Variants in UGT1A10 observed in about 807,000 individuals in gnomAD.
UGT1A10 encodes UDP-glucuronosyltransferase 1A10.
A neutral mutation model predicts 45.8 loss-of-function variants in UGT1A10; 49 were observed. The ratio of observed to expected loss-of-function variants is 1.07; its 90% CI spans 0.85 to 1.36. UGT1A10 has a LOEUF of 1.36. Among genes scored for constraint, UGT1A10 ranks in the 40% most tolerant of loss-of-function variants. The pLI, the probability that UGT1A10 is intolerant of heterozygous loss-of-function variation, is 0.00. For missense variants in UGT1A10, 745 were observed against 668.6 expected, an observed-to-expected ratio of 1.11 and a Z score of -1.26; for synonymous variants, 284 against 249.7, an observed-to-expected ratio of 1.14 and a Z score of -1.29.
At chr2:233,681,842 C>A in intron 1 of UGT1A10, 2 of 1,515,948 alleles carry the variant, frequency 1.3e-6, no homozygotes, top group Non-Finnish European at 1.8e-6. Context: ...TAAGTACACG[C>A]CTTCTTTTGA....
intron 1 of UGT1A10, among the ~76,000 whole-genome samples, chr2:233,669,038 C>T (rs565395015): frequency 6.6e-6 from 1 of 152,306 alleles, no homozygotes; most frequent in South Asian, 2.1e-4. Flanking sequence ...AGGAGGAAGA[C>T]CACAAGGTAA....
chr2:233,667,879 A>G (rs1034585048), intron 1 of UGT1A10, among the ~76,000 whole-genome samples: 2 of 152,198 alleles, frequency 1.3e-5, no homozygotes, highest in African/African-American at 4.8e-5. Context: ...AAGTCAGGAA[A>G]CAACAGGTGC....
At chr2:233,670,992 G>A (rs936758450) in intron 1 of UGT1A10, among the ~76,000 whole-genome samples, 2 of 152,162 alleles carry the variant, frequency 1.3e-5, no homozygotes, top group Admixed American at 6.5e-5. Context: ...ATGGATGGGG[G>A]CAGTCCTATT....
At chr2:233,699,519 C>T (rs868288964) in intron 1 of UGT1A10, among the ~76,000 whole-genome samples, 4 of 152,156 alleles carry the variant, frequency 2.6e-5, no homozygotes, top group East Asian at 1.9e-4. Flanking sequence ...TCAAGCCTTC[C>T]GAAGGACAGG....
At chr2:233,700,822 T>C (rs536912731) in intron 1 of UGT1A10, among the ~76,000 whole-genome samples, 7 of 152,144 alleles carry the variant, frequency 4.6e-5, no homozygotes, top group South Asian at 2.1e-4. Flanking sequence ...GCTGCACCCA[T>C]TAACTCGTCA....
chr2:233,718,715 T>C, intron 1 of UGT1A10: 1 of 1,608,238 alleles, frequency 6.2e-7, no homozygotes, highest in Non-Finnish European at 8.5e-7. Context: ...TCCAATTACA[T>C]GCTGATTTGC....
chr2:233,723,259 G>T (rs1486772890), intron 1 of UGT1A10, among the ~76,000 whole-genome samples: 1 of 114,276 alleles, frequency 8.8e-6, no homozygotes, highest in African/African-American at 4.3e-5. Flanking sequence ...ACCCAGGCTG[G>T]AGTGCAATGG....
intron 1 of UGT1A10, among the ~76,000 whole-genome samples, chr2:233,708,070 G>T (rs1007307586): frequency 1.3e-5 from 2 of 152,102 alleles, no homozygotes; most frequent in Non-Finnish European, 2.9e-5. Flanking sequence ...TCTGCATCTT[G>T]CTTTTTACTT....
At chr2:233,743,706 C>A in intron 1 of UGT1A10, 1 of 1,367,368 alleles carries the variant, frequency 7.3e-7, no homozygotes, top group Non-Finnish European at 9.8e-7. Context: ...TCCGCCCCCG[C>A]CTCGCCATAG....
intron 1 of UGT1A10, among the ~76,000 whole-genome samples, chr2:233,674,508 T>G (rs2074287304): frequency 6.6e-6 from 1 of 152,192 alleles, no homozygotes; most frequent in Non-Finnish European, 1.5e-5. Context: ...ACTGAATTTA[T>G]TGTGCCTCAC....
At chr2:233,663,114 G>A (rs778582809) in intron 1 of UGT1A10, among the ~76,000 whole-genome samples, 4 of 151,952 alleles carry the variant, frequency 2.6e-5, no homozygotes, top group Non-Finnish European at 4.4e-5. Context: ...TGAAGCTTGG[G>A]ACCCATTAAA....
At chr2:233,724,269 C>T (rs1414363673) in intron 1 of UGT1A10, among the ~76,000 whole-genome samples, 11 of 124,848 alleles carry the variant, frequency 8.8e-5, no homozygotes, top group South Asian at 3.1e-4. Context: ...CCGGACGGGG[C>T]GGCTGGCCGG....
At chr2:233,761,798 T>C (rs573844066) in intron 1 of UGT1A10, among the ~76,000 whole-genome samples, 7 of 152,144 alleles carry the variant, frequency 4.6e-5, no homozygotes, top group Non-Finnish European at 1.0e-4. Context: ...CAGCAGAGGA[T>C]AGAAAAGAAC....
chr2:233,730,100 C>A, intron 1 of UGT1A10: 1 of 1,582,980 alleles, frequency 6.3e-7, no homozygotes, highest in Non-Finnish European at 8.6e-7. Flanking sequence ...CCAAATATTT[C>A]ATTTCTGCTT....
chr2:233,763,791 A>T (rs995019532), intron 1 of UGT1A10, among the ~76,000 whole-genome samples: 41 of 152,200 alleles, frequency 2.7e-4, no homozygotes, highest in African/African-American at 9.9e-4. Flanking sequence ...TTGGGAGAAA[A>T]GGAATGAAAC....
intron 1 of UGT1A10, among the ~76,000 whole-genome samples, chr2:233,652,528 CATT>C (rs1266187068): frequency 6.6e-6 from 1 of 152,194 alleles, no homozygotes; most frequent in Non-Finnish European, 1.5e-5. Context: ...GCCACAATAT[CATT>C]ATCATTCCTC....
chr2:233,678,554 T>C (rs2074421013), intron 1 of UGT1A10, among the ~76,000 whole-genome samples: 1 of 152,228 alleles, frequency 6.6e-6, no homozygotes, highest in Non-Finnish European at 1.5e-5. Context: ...AAAATGCTTT[T>C]ATACAGTACT....
chr2:233,757,057 G>C (rs1201778154), intron 1 of UGT1A10, among the ~76,000 whole-genome samples: 1 of 151,606 alleles, frequency 6.6e-6, no homozygotes, highest in African/African-American at 2.4e-5. Context: ...TTGGGGAACA[G>C]CAAGGGATCC....
chr2:233,693,100 C>A (rs1292200749), intron 1 of UGT1A10: 2 of 1,614,114 alleles, frequency 1.2e-6, no homozygotes, highest in Non-Finnish European at 8.5e-7. Flanking sequence ...TGCTGGTGGT[C>A]CCTCAGGACG....
Sources: gnomAD v4.1 joint callset for allele counts (sites outside exome capture counted in the v4.1 genomes callset) on GRCh38, gnomAD v4.1.1 for gene constraint, MANE v1.5 for transcripts, NCBI Gene and HGNC (gene_info 2026-07-23, HGNC 2026-07-21) for gene names.